GRAMD4: variants seen among roughly 807,000 people sequenced by gnomAD.
The protein encoded by GRAMD4 is GRAM domain-containing protein 4.
Under a neutral mutation model 83.9 loss-of-function variants are expected in GRAMD4, and 25 were observed. The observed-to-expected ratio is 0.30, with a 90% CI of 0.22 to 0.42. GRAMD4 has a LOEUF of 0.42. Ranked by LOEUF, GRAMD4 falls within the 10% of genes least tolerant of loss-of-function variation. The pLI, the probability that GRAMD4 is intolerant of heterozygous loss-of-function variation, is 1.00. For synonymous variants in GRAMD4, 336 were observed against 320.9 expected (o/e 1.05, Z -0.50); for missense variants, 593 against 788.7 (o/e 0.75, Z 2.97).
intron 1 of GRAMD4, among the ~76,000 whole-genome samples, chr22:46,594,269 G>C (rs1471028815): frequency 6.6e-6 from 1 of 151,510 alleles, no homozygotes; most frequent in Non-Finnish European, 1.5e-5. Flanking sequence ...ACTGTCACCT[G>C]CTGTAGCTCT....
rs1319244502 is a variant in GRAMD4, at chr22:46,659,242, GCCTCCCCCCTCA to G, written c.404+936_404+947del. ...CTCCCTCTCAGCCTCCACTCCCTCA[GCCTCCCCCCTCA>G]GTCTCCACCCTCAGTTTCTGCCCAG... On this transcript the variant is annotated intron_variant, in intron 4 of 18. Transcript: ENST00000406902. The surrounding 1 kb of genome is among the most constrained non-coding windows in gnomAD (Gnocchi z 4.1). 6.3e-3 allele frequency among the ~76,000 whole-genome samples: 803 copies of G among 126,640 alleles called. 6 individuals carry two copies. The highest frequency in any genetic ancestry group is 0.026 in the African/African-American group (778 of 29,910). The allele number at this position is 126,640 out of a possible 152,430, so 83.1% of individuals were successfully genotyped here.
chr22:46,634,272 T>A (rs2081824255), intron 2 of GRAMD4, among the ~76,000 whole-genome samples: 1 of 152,192 alleles, frequency 6.6e-6, no homozygotes. Context: ...CATTCCTGTC[T>A]CTGACCTTGC....
intron 1 of GRAMD4, among the ~76,000 whole-genome samples, chr22:46,610,054 G>A (rs1443015536): frequency 6.6e-6 from 1 of 152,162 alleles, no homozygotes; most frequent in African/African-American, 2.4e-5. Context: ...GGATAAGAGG[G>A]TGGATGGTGG....
At chr22:46,600,228 G>T (rs2081299409) in intron 1 of GRAMD4, among the ~76,000 whole-genome samples, 1 of 152,208 alleles carries the variant, frequency 6.6e-6, no homozygotes, top group African/African-American at 2.4e-5. Flanking sequence ...CCCTGTTCCA[G>T]TGGTGGGATG....
intron 1 of GRAMD4, among the ~76,000 whole-genome samples, chr22:46,608,882 T>C (rs1192409804): frequency 6.6e-6 from 1 of 152,114 alleles, no homozygotes; most frequent in Admixed American, 6.5e-5. Context: ...CAGTGGCACG[T>C]GCCTGTAGTA....
chr22:46,637,723 C>T (rs1408450282), intron 2 of GRAMD4, 117 bp from the exon 3 acceptor site: 7 of 1,024,774 alleles, frequency 6.8e-6, no homozygotes, highest in Non-Finnish European at 8.6e-6. Context: ...GCTGCTGGTC[C>T]CTTTCACATG....
intron 3 of GRAMD4, among the ~76,000 whole-genome samples, chr22:46,657,279 C>T (rs2082257911): frequency 6.6e-6 from 1 of 152,216 alleles, no homozygotes; most frequent in Non-Finnish European, 1.5e-5. Flanking sequence ...GTCTGTTGCT[C>T]TTGTTCTTCA....
chr22:46,624,844 C>CT (rs1361793330), intron 1 of GRAMD4, among the ~76,000 whole-genome samples: 3 of 150,578 alleles, frequency 2.0e-5, no homozygotes, highest in Non-Finnish European at 4.4e-5. Flanking sequence ...CCCGTAGAGC[C>CT]TGTGTCCTGT....
chr22:46,599,947 G>A (rs1414267948), intron 1 of GRAMD4, among the ~76,000 whole-genome samples: 1 of 152,136 alleles, frequency 6.6e-6, no homozygotes, highest in African/African-American at 2.4e-5. Context: ...CACCACCGGC[G>A]GCACCTTCTC....
chr22:46,671,160 C>T (rs922485711), intron 13 of GRAMD4: 2 of 455,456 alleles, frequency 4.4e-6, no homozygotes, highest in East Asian at 7.2e-5. Flanking sequence ...CTGGGTCGGC[C>T]ACCACGTGGA....
chr22:46,675,166 C>T (rs576248578), intron 16 of GRAMD4, among the ~76,000 whole-genome samples: 1 of 150,974 alleles, frequency 6.6e-6, no homozygotes, highest in Non-Finnish European at 1.5e-5. Flanking sequence ...GAGCAGTGGC[C>T]GTGAGTGTCT....
chr22:46,651,557 C>T (rs546712322), intron 3 of GRAMD4, among the ~76,000 whole-genome samples: 157 of 152,352 alleles, frequency 1.0e-3, no homozygotes, highest in African/African-American at 3.5e-3. Flanking sequence ...CATCCCTGTG[C>T]GGCGTGTATG....
chr22:46,658,404 G>A, intron 4 of GRAMD4, 97 bp downstream of exon 4: 1 of 1,244,238 alleles, frequency 8.0e-7, no homozygotes, highest in Non-Finnish European at 1.1e-6. Context: ...TAGCGTCTTG[G>A]CAGCATCATT....
At chr22:46,617,711 G>A (rs1038023294), upstream of GRAMD4, among the ~76,000 whole-genome samples, 7 of 152,106 alleles carry the variant, frequency 4.6e-5, no homozygotes, top group Non-Finnish European at 8.8e-5. Flanking sequence ...GCCCCAGAGC[G>A]GGCCATACAC....
chr22:46,677,539 C>G lies in GRAMD4; in HGVS notation c.*288C>G, dbSNP rs1288611860. On this transcript the variant is annotated 3_prime_UTR_variant, in exon 19 of 19. Coordinates refer to ENST00000406902, the MANE Select transcript of GRAMD4 (RefSeq NM_015124.5). ...GGCCCTCGGGGGCCCGTGGAGAAGA[C>G]ACACAGGACCCCTGGCCCTGCCCTT... The G allele has an allele frequency of 3.4e-6, 4 of 1,185,096 alleles. No homozygotes were observed. The highest frequency in any genetic ancestry group is 7.8e-5 in the Admixed American group (2 of 25,680). The allele number at this position is 1,185,096 out of a possible 1,614,324, so 73.4% of individuals were successfully genotyped here.
At chr22:46,653,286 G>A (rs1454749510) in intron 3 of GRAMD4, among the ~76,000 whole-genome samples, 1 of 152,150 alleles carries the variant, frequency 6.6e-6, no homozygotes, top group East Asian at 1.9e-4. Context: ...CGAGCATGGC[G>A]GGGCTCTGGC....
chr22:46,680,296 A>G (rs1009179699), downstream of GRAMD4, among the ~76,000 whole-genome samples: 1 of 151,914 alleles, frequency 6.6e-6, no homozygotes, highest in African/African-American at 2.4e-5. Context: ...CTGGCTTTTG[A>G]AACCCCTGGA....
chr22:46,662,359 C>T (rs866680402), intron 5 of GRAMD4, among the ~76,000 whole-genome samples: 10 of 152,252 alleles, frequency 6.6e-5, no homozygotes, highest in Non-Finnish European at 1.2e-4. Flanking sequence ...AGGCAGCACC[C>T]GCTGCAGGCG....
chr22:46,668,199 C>T (rs2082439615), intron 11 of GRAMD4, 32 bp downstream of exon 11: 2 of 1,517,580 alleles, frequency 1.3e-6, no homozygotes, highest in Admixed American at 1.7e-5. Flanking sequence ...AGGGGTGTGT[C>T]TGCGCCAGCC....
Sources: gnomAD v4.1 joint callset for allele counts (sites outside exome capture counted in the v4.1 genomes callset) on GRCh38, gnomAD v4.1.1 for gene constraint, Gnocchi (gnomAD v3.1) non-coding constraint, MANE v1.5 for transcripts, NCBI Gene and HGNC (gene_info 2026-07-23, HGNC 2026-07-21) for gene names.